RCVRN: variants seen among roughly 807,000 people sequenced by gnomAD.
The protein encoded by RCVRN is cancer associated retinopathy antigen.
RCVRN carries 23 observed loss-of-function variants against 20.4 expected under a neutral mutation model. That is an observed-to-expected ratio of 1.13 (90% confidence interval 0.81 to 1.60). The LOEUF is 1.60. Among genes scored for constraint, RCVRN ranks in the 40% most tolerant of loss-of-function variants. The probability of loss-of-function intolerance (pLI) is 0.00; values close to 1 mark genes in which losing one functional copy is unlikely to be tolerated. For synonymous variants in RCVRN, 105 were observed against 105.9 expected (o/e 0.99, Z 0.05); for missense variants, 254 against 254.2 (o/e 1.00, Z 0.00).
At chr17:9,901,152 C>G (rs1311776341) in intron 1 of RCVRN, 52 bp from the exon 2 acceptor site, 1 of 1,038,908 alleles carries the variant, frequency 9.6e-7, no homozygotes, top group East Asian at 2.4e-5. Flanking sequence ...AAGGGGCTGG[C>G]AACCCTGGAA....
Position 9,904,781 on chromosome 17 carries a change from G to A in RCVRN, c.381+19C>T. The stretch of plus-strand genomic sequence containing the variant: ...CGACCCCGGCACCGCCCAGCCAGAA[G>A]GGGAGAGGGGAGACTGACCATGACG... On this transcript the variant is annotated intron_variant, in intron 1 of 2. Transcript: ENST00000226193. This position sits in a 1 kb window ranked among gnomAD's most constrained non-coding sequence, Gnocchi z 5.8. 6.2e-7 allele frequency: 1 copy of A among 1,604,000 alleles called. No homozygotes were observed. The highest frequency in any genetic ancestry group is 8.5e-7 in the Non-Finnish European group (1 of 1,173,024).
chr17:9,902,330 G>A (rs2067345032), intron 1 of RCVRN, among the ~76,000 whole-genome samples: 1 of 152,104 alleles, frequency 6.6e-6, no homozygotes, highest in Non-Finnish European at 1.5e-5. Flanking sequence ...AGAATGGGAG[G>A]CCCGAGCTGA....
At chr17:9,903,475 C>T (rs116745160) in intron 1 of RCVRN, among the ~76,000 whole-genome samples, 2,702 of 152,248 alleles carry the variant, frequency 0.018, 84 homozygotes, top group African/African-American at 0.061. Context: ...ATCCGCCCCG[C>T]GCTGGGGAGA....
In RCVRN at chr17:9,896,746, G is replaced by C. The variant is rs996702511; in HGVS notation, c.*1349C>G. ...CCTTTTCCTTGTCTCTAAAACAAGG[G>C]GCTTTAGGGCCATCTATGGCTCTGC... On this transcript the variant is annotated 3_prime_UTR_variant, in exon 3 of 3. Transcript: ENST00000226193. 1.3e-5 allele frequency: 2 copies of C among 152,186 alleles called. No homozygotes were observed. The highest frequency in any genetic ancestry group is 2.4e-5 in the African/African-American group (1 of 41,434). 9.4% of individuals were successfully genotyped at this position (152,186 alleles called of 1,614,324 possible).
At chr17:9,900,857 A>G in intron 2 of RCVRN, 132 bp downstream of exon 2, 1 of 600,808 alleles carries the variant, frequency 1.7e-6, no homozygotes, top group Non-Finnish European at 3.0e-6. Flanking sequence ...AACAGCTCTG[A>G]AAATGCACAA....
chr17:9,901,914 C>A (rs1202029620), intron 1 of RCVRN, among the ~76,000 whole-genome samples: 1 of 152,238 alleles, frequency 6.6e-6, no homozygotes, highest in East Asian at 1.9e-4. Flanking sequence ...TCAGTCAGTG[C>A]TCTGCCCATG....
At position 9,900,976 on chromosome 17, in the gene RCVRN, A is replaced by C; in HGVS notation, c.493+13T>G. On this transcript the variant is annotated intron_variant, in intron 2 of 2. Transcript: ENST00000226193. ...GTTGAAAAATCAAAGGCAATGAAGG[A>C]AAAGGAATTCACCATCATCATTCTT... 3 of 1,497,292 alleles carry C rather than the reference A, an allele frequency of 2.0e-6. No homozygotes were observed. The highest frequency in any genetic ancestry group is 2.8e-6 in the Non-Finnish European group (3 of 1,082,358). 92.8% of individuals were successfully genotyped at this position (1,497,292 alleles called of 1,614,324 possible). A position where few individuals can be genotyped will look rare whatever the true frequency, so the allele number is the denominator to read the frequency against.
rs1391423450 is a variant in RCVRN, at chr17:9,898,064, A to G, written c.*31T>C. 4.1e-6 allele frequency: 6 copies of G among 1,450,040 alleles called. No individual in the cohort carries two copies. Among genetic ancestry groups the G allele is most frequent in the Non-Finnish European group, 5.8e-6 (6 of 1,030,738 alleles). 89.8% of individuals were successfully genotyped at this position (1,450,040 alleles called of 1,614,324 possible). ...CGCTCACGGGTGTCATGTGAGTGGT[A>G]GGTGGAGGGAGGACAGCTGAACAGT... On this transcript the variant is annotated 3_prime_UTR_variant, in exon 3 of 3. Coordinates refer to ENST00000226193, the MANE Select transcript of RCVRN (RefSeq NM_002903.3).
chr17:9,904,811 CCAG>C lies in RCVRN; in HGVS notation c.367_369del (p.Leu123del), dbSNP rs1174005829. The C allele has an allele frequency of 5.6e-6, 9 of 1,613,788 alleles. No individual in the cohort carries two copies. Among genetic ancestry groups the C allele is most frequent in the Non-Finnish European group, 7.6e-6 (9 of 1,179,874 alleles). ...GAGGGGAGACTGACCATGACGATCTCCAGCACTTCATTCTTGCTGATGGTCCCG... is the reference window on the plus strand; with the variant it reads ...GAGGGGAGACTGACCATGACGATCTCCACTTCATTCTTGCTGATGGTCCCG... On this transcript the variant is annotated inframe_deletion, in exon 1 of 3. Transcript: ENST00000226193. This position sits in a 1 kb window ranked among gnomAD's most constrained non-coding sequence, Gnocchi z 5.8.
intron 1 of RCVRN, among the ~76,000 whole-genome samples, chr17:9,903,274 G>A (rs1303396527): frequency 6.6e-6 from 1 of 152,152 alleles, no homozygotes; most frequent in Admixed American, 6.6e-5. Flanking sequence ...AGACACCTAC[G>A]AGGTTAGTGG....
At position 9,904,756 on chromosome 17, in the gene RCVRN, C is replaced by A. The variant is rs765973361; in HGVS notation, c.381+44G>T. 1 of 1,579,614 alleles carries A rather than the reference C, an allele frequency of 6.3e-7. No homozygotes were observed. Among genetic ancestry groups the A allele is most frequent in the East Asian group, 2.2e-5 (1 of 44,568 alleles). ...GCAGCAGGGGACCCCCAGCCCGGAG[C>A]GACCCCGGCACCGCCCAGCCAGAAG... On this transcript the variant is annotated intron_variant, in intron 1 of 2. Coordinates refer to ENST00000226193, the MANE Select transcript of RCVRN (RefSeq NM_002903.3). The surrounding 1 kb of genome is among the most constrained non-coding windows in gnomAD (Gnocchi z 5.8).
At chr17:9,902,731 C>T (rs2067346961) in intron 1 of RCVRN, among the ~76,000 whole-genome samples, 2 of 152,324 alleles carry the variant, frequency 1.3e-5, no homozygotes, top group South Asian at 4.1e-4. Context: ...GGTGCGGAAG[C>T]TCACGCCTGT....
At chr17:9,903,909 C>G (rs945656906) in intron 1 of RCVRN, among the ~76,000 whole-genome samples, 13 of 152,114 alleles carry the variant, frequency 8.5e-5, no homozygotes, top group African/African-American at 2.2e-4. Flanking sequence ...CTAAACATAG[C>G]TAAACATAGA....
chr17:9,904,843 C>T lies in RCVRN; in HGVS notation c.338G>A (p.Gly113Asp). 2.5e-6 allele frequency: 4 copies of T among 1,614,206 alleles called. No individual in the cohort carries two copies. Among genetic ancestry groups the T allele is most frequent in the South Asian group, 1.1e-5 (1 of 91,082 alleles). The change falls in exon 1 of 3, where the codon GGT (glycine) becomes GAT (aspartate). Residue 113 changes from glycine to aspartate, a missense_variant. By Grantham distance (94) the Gly-to-Asp change is moderately conservative (BLOSUM62 -1). Transcript: ENST00000226193. The surrounding 1 kb of genome is among the most constrained non-coding windows in gnomAD (Gnocchi z 5.8). Reference sequence around the variant, plus strand: ...TTCATTCTTGCTGATGGTCCCGTTACCGTCCACGTCGTAGAGGGAGAAGGC... The same window carrying T: ...TTCATTCTTGCTGATGGTCCCGTTATCGTCCACGTCGTAGAGGGAGAAGGC... The part of the protein sequence containing the change: ...EWAFSLYDVD[G>D]NGTISKNEVL...
chr17:9,900,680 C>T (rs1361286799), intron 2 of RCVRN, among the ~76,000 whole-genome samples: 1 of 151,998 alleles, frequency 6.6e-6, no homozygotes, highest in African/African-American at 2.4e-5. Context: ...TCAGAGGACC[C>T]AAACCAACTT....
chr17:9,904,527 C>T lies in RCVRN; in HGVS notation c.381+273G>A, dbSNP rs1323167794. Reference sequence around the variant, plus strand: ...CTTATGGGACCACAGTGGTCTATATCGTCCGTTGTTGACCCAAACATCGTG... The same window carrying T: ...CTTATGGGACCACAGTGGTCTATATTGTCCGTTGTTGACCCAAACATCGTG... On this transcript the variant is annotated intron_variant, in intron 1 of 2. Transcript: ENST00000226193. This position sits in a 1 kb window ranked among gnomAD's most constrained non-coding sequence, Gnocchi z 5.8. 6.6e-6 allele frequency among the ~76,000 whole-genome samples: 1 copy of T among 152,224 alleles called. No individual in the cohort carries two copies. Among genetic ancestry groups the T allele is most frequent in the Non-Finnish European group, 1.5e-5 (1 of 68,044 alleles).
intron 2 of RCVRN, among the ~76,000 whole-genome samples, chr17:9,900,167 T>C (rs1256175341): frequency 6.6e-6 from 1 of 152,090 alleles, no homozygotes; most frequent in Non-Finnish European, 1.5e-5. Context: ...TAGATGACTG[T>C]CCACATAACT....
rs571366198 is a variant in RCVRN, at chr17:9,902,784, G to A, written c.382-1684C>T. On this transcript the variant is annotated intron_variant, in intron 1 of 2. Coordinates refer to ENST00000226193, the MANE Select transcript of RCVRN (RefSeq NM_002903.3). Reference sequence around the variant, plus strand: ...AGGCCGAGGCGGGCAGATCACCTGAGGTCAGGAGTTCGAGACCAGCCTGGC... The same window carrying A: ...AGGCCGAGGCGGGCAGATCACCTGAAGTCAGGAGTTCGAGACCAGCCTGGC... 2.6e-5 allele frequency among the ~76,000 whole-genome samples: 4 copies of A among 152,258 alleles called. No homozygotes were observed. The East Asian group carries it at 5.8e-4, about 22-fold the overall frequency.
chr17:9,899,576 G>A lies in RCVRN; in HGVS notation c.494-1372C>T, dbSNP rs1212496477. On this transcript the variant is annotated intron_variant, in intron 2 of 2. Transcript: ENST00000226193. This position sits in a 1 kb window ranked among gnomAD's most constrained non-coding sequence, Gnocchi z 4.6. ...GAGGGAGGTCGCGAAGCCAGTTAAG[G>A]AGCCAGTGGGGCAAAGTGCCAAAAG... Among the ~76,000 whole-genome samples, 1 of 152,202 alleles carries A rather than the reference G, an allele frequency of 6.6e-6. No individual in the cohort carries two copies. Among genetic ancestry groups the A allele is most frequent in the Non-Finnish European group, 1.5e-5 (1 of 68,036 alleles).
Sources: gnomAD v4.1 joint callset for allele counts (sites outside exome capture counted in the v4.1 genomes callset) on GRCh38, gnomAD v4.1.1 for gene constraint, Gnocchi (gnomAD v3.1) non-coding constraint, MANE v1.5 for transcripts, NCBI Gene and HGNC (gene_info 2026-07-23, HGNC 2026-07-21) for gene names.